The following SORCS2 variants were observed in gnomAD, a reference collection of about 807,000 sequenced individuals.
The protein encoded by SORCS2 is sortilin related VPS10 domain containing receptor 2, also known as VPS10 domain-containing receptor SorCS2.
Under a neutral mutation model 141.6 loss-of-function variants are expected in SORCS2, and 100 were observed. The observed-to-expected ratio is 0.71, with a 90% CI of 0.60 to 0.83. The LOEUF (loss-of-function observed/expected upper bound fraction) is 0.83, where lower values mean the gene tolerates loss of function less well. SORCS2 is among the 40% of genes least tolerant of loss of function. The pLI, the probability that SORCS2 is intolerant of heterozygous loss-of-function variation, is 0.00. For synonymous variants in SORCS2, 789 were observed against 676.9 expected (o/e 1.17, Z -2.57); for missense variants, 1,646 against 1,560.2 (o/e 1.05, Z -0.93).
intron 1 of SORCS2, among the ~76,000 whole-genome samples, chr4:7,215,953 C>T (rs4689643): frequency 2.1e-5 from 3 of 145,476 alleles, no homozygotes; most frequent in African/African-American, 7.4e-5. Context: ...GCTGCCGGAG[C>T]CAGCAGTGGC....
At chr4:7,608,244 G>A (rs982503841) in intron 3 of SORCS2, among the ~76,000 whole-genome samples, 1 of 152,160 alleles carries the variant, frequency 6.6e-6, no homozygotes, top group Admixed American at 6.5e-5. Context: ...CAGTGGGGCT[G>A]GCAGGAAATG....
At chr4:7,229,670 G>T (rs1475433881) in intron 1 of SORCS2, among the ~76,000 whole-genome samples, 2 of 152,248 alleles carry the variant, frequency 1.3e-5, no homozygotes, top group Admixed American at 6.5e-5. Flanking sequence ...CTTCTGTCAC[G>T]GTCGTGGGTG....
At position 7,416,763 on chromosome 4, in the gene SORCS2, CACAT is replaced by C. The variant is rs554360807; in HGVS notation, c.548+20409_548+20412del. ...GCACACACACTTGTGCGCACACAGACACATGCATGCATGTACACACACGCTTGTG... is the reference window on the plus strand; with the variant it reads ...GCACACACACTTGTGCGCACACAGACGCATGCATGTACACACACGCTTGTG... On this transcript the variant is annotated intron_variant, in intron 2 of 26. Coordinates refer to ENST00000507866, the MANE Select transcript of SORCS2 (RefSeq NM_020777.3). 3.9e-4 allele frequency among the ~76,000 whole-genome samples: 59 copies of C among 150,938 alleles called. 1 individual carries two copies. Among genetic ancestry groups the C allele is most frequent in the South Asian group, 1.7e-3 (8 of 4,766 alleles).
At chr4:7,490,114 C>T (rs73091914) in intron 2 of SORCS2, among the ~76,000 whole-genome samples, 2,762 of 152,274 alleles carry the variant, frequency 0.018, 88 homozygotes, top group African/African-American at 0.062. Context: ...AGGGGCCTGG[C>T]TGGCTGGGGA....
At chr4:7,579,842 A>G (rs1716028262) in intron 3 of SORCS2, among the ~76,000 whole-genome samples, 1 of 152,152 alleles carries the variant, frequency 6.6e-6, no homozygotes, top group Admixed American at 6.5e-5. Flanking sequence ...TTATACACGT[A>G]GAAAGAAGTC....
At chr4:7,346,902 A>C (rs1720682689) in intron 1 of SORCS2, among the ~76,000 whole-genome samples, 1 of 152,152 alleles carries the variant, frequency 6.6e-6, no homozygotes, top group South Asian at 2.1e-4. Context: ...ATTGCTTGAA[A>C]ATTTCATGAG....
chr4:7,512,655 C>T (rs1215815412), intron 2 of SORCS2, among the ~76,000 whole-genome samples: 1 of 152,082 alleles, frequency 6.6e-6, no homozygotes, highest in Admixed American at 6.5e-5. Flanking sequence ...AGGCCTGCCC[C>T]TCCCCACCAT....
At chr4:7,585,252 G>T (rs1053558176) in intron 3 of SORCS2, among the ~76,000 whole-genome samples, 2 of 152,230 alleles carry the variant, frequency 1.3e-5, no homozygotes. Context: ...AGCTATCACA[G>T]GAAGAATGAG....
intron 1 of SORCS2, among the ~76,000 whole-genome samples, chr4:7,313,243 G>A (rs1479730058): frequency 1.3e-5 from 2 of 152,246 alleles, no homozygotes; most frequent in African/African-American, 4.8e-5. Context: ...CTAAACGTGC[G>A]CTGTGGGCAT....
At chr4:7,566,413 G>C (rs1321834169) in intron 3 of SORCS2, among the ~76,000 whole-genome samples, 1 of 152,208 alleles carries the variant, frequency 6.6e-6, no homozygotes, top group East Asian at 1.9e-4. Flanking sequence ...TGATGATGAA[G>C]ATAGTGATGG....
At chr4:7,421,109 CCA>C (rs1284609291) in intron 2 of SORCS2, among the ~76,000 whole-genome samples, 2 of 152,162 alleles carry the variant, frequency 1.3e-5, no homozygotes, top group Non-Finnish European at 2.9e-5. Context: ...CATCCCTTGC[CCA>C]CACAGTGTTT....
At chr4:7,250,532 C>G (rs910878639) in intron 1 of SORCS2, among the ~76,000 whole-genome samples, 1 of 152,228 alleles carries the variant, frequency 6.6e-6, no homozygotes, top group Non-Finnish European at 1.5e-5. Context: ...GTCCCTGAGA[C>G]ATATCGTTGG....
chr4:7,703,212 C>G, intron 12 of SORCS2, 68 bp from the exon 13 acceptor site: 1 of 1,298,818 alleles, frequency 7.7e-7, no homozygotes, highest in Non-Finnish European at 1.1e-6. Flanking sequence ...CTCCCAGGAG[C>G]CGCTCAGCCT....
intron 24 of SORCS2, among the ~76,000 whole-genome samples, chr4:7,733,820 C>T (rs1385358283): frequency 6.6e-6 from 1 of 152,234 alleles, no homozygotes; most frequent in Non-Finnish European, 1.5e-5. Context: ...TCAACATAGC[C>T]GGGGAGCTCT....
In SORCS2 at chr4:7,633,840, G is replaced by C. The variant is rs1294520764; in HGVS notation, c.649-4488G>C. Among the ~76,000 whole-genome samples the C allele has an allele frequency of 3.3e-5, 2 of 60,654 alleles. 1 individual carries two copies. The highest frequency in any genetic ancestry group is 9.7e-5 in the Non-Finnish European group (2 of 20,656). The allele number at this position is 60,654 out of a possible 152,430, so 39.8% of individuals were successfully genotyped here. A position where few individuals can be genotyped will look rare whatever the true frequency, so the allele number is the denominator to read the frequency against. On this transcript the variant is annotated intron_variant, in intron 3 of 26. Transcript: ENST00000507866. Reference sequence around the variant, plus strand: ...GCCAGCTCCGTGTCCTGTTTTGCTCGAGGTACAAAAATGGCACATGGGCCA... The same window carrying C: ...GCCAGCTCCGTGTCCTGTTTTGCTCCAGGTACAAAAATGGCACATGGGCCA...
Position 7,733,394 on chromosome 4 carries a change from C to A in SORCS2, c.3181C>A (p.Leu1061Met). The A allele has an allele frequency of 6.3e-7, 1 of 1,592,672 alleles. No individual in the cohort carries two copies. ...SFLLRGGVRV[L>M]VALRDTGTGA... ...CCTCCTGCGAGGCGGAGTCCGGGTC[C>A]TGGTGGCCCTGCGGGACACAGGCAC... The change falls in exon 24 of 27, where the codon CTG (leucine) becomes ATG (methionine). Residue 1061 changes from leucine (L) to methionine (M), a missense_variant. Leu to Met is a conservative substitution (Grantham distance 15). Coordinates refer to ENST00000507866, the MANE Select transcript of SORCS2 (RefSeq NM_020777.3).
At chr4:7,306,137 A>AAATGAGTATC in intron 1 of SORCS2, among the ~76,000 whole-genome samples, 1 of 152,292 alleles carries the variant, frequency 6.6e-6, no homozygotes, top group Non-Finnish European at 1.5e-5. Context: ...CGCTCCCTGA[A>AAATGAGTATC]AATGAGTATC....
intron 5 of SORCS2, among the ~76,000 whole-genome samples, chr4:7,660,744 A>G (rs973192925): frequency 2.0e-5 from 3 of 152,222 alleles, no homozygotes; most frequent in African/African-American, 7.2e-5. Flanking sequence ...CTACCTCACA[A>G]TGTACAGTCC....
intron 1 of SORCS2, among the ~76,000 whole-genome samples, chr4:7,331,560 G>A (rs1577408314): frequency 1.3e-5 from 2 of 152,254 alleles, no homozygotes. Context: ...GAGCAAGTGA[G>A]GGATTGAGAA....
Sources: allele counts gnomAD v4.1 joint callset (sites outside exome capture counted in the v4.1 genomes callset), GRCh38; gene constraint gnomAD v4.1.1; transcripts MANE v1.5; gene names NCBI Gene and HGNC (gene_info 2026-07-23, HGNC 2026-07-21).